KIAA1217: variants seen among roughly 807,000 people sequenced by gnomAD.
KIAA1217 encodes sickle tail protein homolog.
Under a neutral mutation model 163.9 loss-of-function variants are expected in KIAA1217, and 88 were observed. The observed-to-expected ratio is 0.54, with a 90% CI of 0.45 to 0.64. The LOEUF is 0.64. Ranked by LOEUF, KIAA1217 falls within the 30% of genes least tolerant of loss-of-function variation. The pLI is 0.00. For missense variants in KIAA1217, 2,372 were observed against 2,475.0 expected (o/e 0.96, Z 0.88); for synonymous variants, 903 against 923.1 (o/e 0.98, Z 0.39).
intron 6 of KIAA1217, among the ~76,000 whole-genome samples, chr10:24,488,663 C>T (rs530052976): frequency 2.4e-4 from 36 of 152,296 alleles, no homozygotes; most frequent in African/African-American, 7.9e-4. Flanking sequence ...TGAAGCTTTA[C>T]CACAAATTCA....
At chr10:24,112,651 CT>C (rs2062894628) in intron 2 of KIAA1217, among the ~76,000 whole-genome samples, 2 of 151,958 alleles carry the variant, frequency 1.3e-5, no homozygotes, top group Admixed American at 1.3e-4. Context: ...GTGGCACAAT[CT>C]CGGCTCACTG....
chr10:24,021,309 A>G (rs1006318513), intron 2 of KIAA1217, among the ~76,000 whole-genome samples: 2 of 152,006 alleles, frequency 1.3e-5, no homozygotes, highest in African/African-American at 4.8e-5. Flanking sequence ...TATACCAGCA[A>G]TCAACGATTG....
chr10:24,046,467 A>G (rs1218247574), intron 2 of KIAA1217, among the ~76,000 whole-genome samples: 4 of 152,122 alleles, frequency 2.6e-5, no homozygotes, highest in African/African-American at 9.7e-5. Flanking sequence ...GATTTAATTG[A>G]CTCAGTTCTG....
intron 5 of KIAA1217, among the ~76,000 whole-genome samples, chr10:24,457,046 G>T (rs1384810311): frequency 2.0e-5 from 3 of 151,952 alleles, no homozygotes; most frequent in Non-Finnish European, 4.4e-5. Flanking sequence ...AAACTAATTT[G>T]TGTACTTCAG....
chr10:23,980,825 A>T (rs977170775), intron 1 of KIAA1217, among the ~76,000 whole-genome samples: 21 of 152,134 alleles, frequency 1.4e-4, no homozygotes, highest in African/African-American at 5.1e-4. Context: ...TCCCATGTCT[A>T]ATATCTGTTA....
intron 1 of KIAA1217, among the ~76,000 whole-genome samples, chr10:23,731,800 T>C (rs1708839375): frequency 6.6e-6 from 1 of 152,188 alleles, no homozygotes; most frequent in Non-Finnish European, 1.5e-5. Flanking sequence ...TTTTTGTTTT[T>C]TAAATCATGA....
intron 1 of KIAA1217, among the ~76,000 whole-genome samples, chr10:23,979,756 C>G (rs1845689337): frequency 6.6e-6 from 1 of 152,098 alleles, no homozygotes; most frequent in South Asian, 2.1e-4. Flanking sequence ...AGATTACTCT[C>G]TCCCCTCACT....
At chr10:24,273,933 A>G (rs1266521054) in intron 2 of KIAA1217, among the ~76,000 whole-genome samples, 2 of 152,118 alleles carry the variant, frequency 1.3e-5, no homozygotes, top group South Asian at 2.1e-4. Context: ...ATTCCCAAAT[A>G]TAAAAATGTA....
intron 3 of KIAA1217, 99 bp from the exon 4 acceptor site, chr10:24,432,896 T>G: frequency 1.1e-6 from 1 of 879,246 alleles, no homozygotes; most frequent in Non-Finnish European, 1.8e-6. Context: ...AAGCTTGTCC[T>G]GAACGTTCCT....
rs2058420672 is a variant in KIAA1217 at position 24,418,123 on chromosome 10, C to T, written c.554-14872C>T. Among the ~76,000 whole-genome samples the T allele has an allele frequency of 2.6e-5, 4 of 150,982 alleles. No individual in the cohort carries two copies. In the South Asian group the frequency reaches 8.5e-4, roughly 32 times the overall value. ...CACCACCAATAAAAAAAAAATGCTGCTTTTTTTTTATTTTTTGTAGAGATC... is the reference window on the plus strand; with the variant it reads ...CACCACCAATAAAAAAAAAATGCTGTTTTTTTTTTATTTTTTGTAGAGATC... On this transcript the variant is annotated intron_variant, in intron 3 of 20. Transcript: ENST00000376454.
chr10:24,402,880 C>G (rs778095597), intron 3 of KIAA1217, among the ~76,000 whole-genome samples: 7 of 152,156 alleles, frequency 4.6e-5, no homozygotes, highest in Non-Finnish European at 8.8e-5. Flanking sequence ...CCTGTAATCC[C>G]AGCACTTTGG....
At chr10:24,367,532 G>A (rs913056640) in intron 2 of KIAA1217, among the ~76,000 whole-genome samples, 23 of 152,168 alleles carry the variant, frequency 1.5e-4, no homozygotes, top group African/African-American at 5.6e-4. Context: ...TGAAAAGTGG[G>A]CATCTCTAAG....
intron 1 of KIAA1217, among the ~76,000 whole-genome samples, chr10:23,932,200 G>T (rs1338530434): frequency 6.6e-6 from 1 of 152,146 alleles, no homozygotes; most frequent in Non-Finnish European, 1.5e-5. Context: ...CATGGAGAAG[G>T]GCAAAGAAGG....
intron 1 of KIAA1217, among the ~76,000 whole-genome samples, chr10:23,948,401 T>C (rs1301472054): frequency 1.3e-5 from 2 of 152,214 alleles, no homozygotes; most frequent in African/African-American, 2.4e-5. Context: ...TTAGGTTAGA[T>C]TGAAGGTCAT....
intron 1 of KIAA1217, among the ~76,000 whole-genome samples, chr10:23,978,239 A>G (rs1589172369): frequency 6.6e-6 from 1 of 152,026 alleles, no homozygotes; most frequent in East Asian, 1.9e-4. Flanking sequence ...CAAACTCTCC[A>G]TGTTCTGTCT....
intron 2 of KIAA1217, among the ~76,000 whole-genome samples, chr10:24,347,640 G>A (rs997577330): frequency 1.3e-5 from 2 of 151,950 alleles, no homozygotes; most frequent in Middle Eastern, 3.2e-3. Flanking sequence ...GGCATTCAGG[G>A]AGAGAGAATG....
intron 5 of KIAA1217, among the ~76,000 whole-genome samples, chr10:24,457,489 C>G (rs1015022594): frequency 2.0e-5 from 3 of 152,054 alleles, no homozygotes; most frequent in African/African-American, 7.2e-5. Context: ...GCCTTGAACT[C>G]CTGGGCTCAA....
chr10:24,453,526 A>T (rs898733822), intron 5 of KIAA1217, among the ~76,000 whole-genome samples: 1 of 152,254 alleles, frequency 6.6e-6, no homozygotes, highest in African/African-American at 2.4e-5. Flanking sequence ...ACTGAAAAAT[A>T]GCAGCTGTTT....
chr10:24,016,440 A>T (rs1348698360), intron 2 of KIAA1217, among the ~76,000 whole-genome samples: 1 of 152,142 alleles, frequency 6.6e-6, no homozygotes, highest in Non-Finnish European at 1.5e-5. Context: ...AGAAACAGGA[A>T]AATCTACCCT....
Sources: gnomAD v4.1 joint callset for allele counts (sites outside exome capture counted in the v4.1 genomes callset) on GRCh38, gnomAD v4.1.1 for gene constraint, MANE v1.5 for transcripts, NCBI Gene and HGNC (gene_info 2026-07-23, HGNC 2026-07-21) for gene names.